CLPB: variants seen among roughly 807,000 people sequenced by gnomAD.
CLPB encodes ClpB family mitochondrial disaggregase, also known as mitochondrial disaggregase.
A neutral mutation model predicts 78.4 loss-of-function variants in CLPB; 40 were observed. The observed-to-expected ratio is 0.51, with a 90% CI of 0.40 to 0.66. The LOEUF (loss-of-function observed/expected upper bound fraction) is 0.66, where lower values mean the gene tolerates loss of function less well. Among genes scored for constraint, CLPB ranks in the 30% least tolerant of loss-of-function variants. The pLI, the probability that CLPB is intolerant of heterozygous loss-of-function variation, is 0.00. For missense variants in CLPB, 780 were observed against 886.9 expected (o/e 0.88, Z 1.53); for synonymous variants, 333 against 348.0 (o/e 0.96, Z 0.48).
intron 3 of CLPB, among the ~76,000 whole-genome samples, chr11:72,386,975 T>G (rs555057778): frequency 2.0e-5 from 3 of 152,172 alleles, no homozygotes; most frequent in Non-Finnish European, 4.4e-5. Context: ...CAGATACAGA[T>G]AGGCAAACTA....
At chr11:72,415,036 T>C (rs1475582922) in intron 2 of CLPB, among the ~76,000 whole-genome samples, 1 of 151,946 alleles carries the variant, frequency 6.6e-6, no homozygotes, top group African/African-American at 2.4e-5. Context: ...ACCAACATGG[T>C]GAAACCCTAT....
chr11:72,345,470 A>G (rs1174748487), intron 5 of CLPB, among the ~76,000 whole-genome samples: 1 of 152,258 alleles, frequency 6.6e-6, no homozygotes, highest in Non-Finnish European at 1.5e-5. Context: ...ATAAGAGAAC[A>G]TACAAATATT....
At position 72,417,809 on chromosome 11, in the gene CLPB, G is replaced by A. The variant is rs191378898; in HGVS notation, c.455+12503C>T. On this transcript the variant is annotated intron_variant, in intron 2 of 15. Transcript: ENST00000538039. The stretch of plus-strand genomic sequence containing the variant: ...TGAGATCCTGTGTGACCCATCTAGG[G>A]GTTGTGACTGAGCCCCTGATGTGTC... Among the ~76,000 whole-genome samples, 18 of 152,164 alleles carry A rather than the reference G, an allele frequency of 1.2e-4. No individual in the cohort carries two copies. In the East Asian group the frequency reaches 3.1e-3, roughly 26 times the overall value.
At chr11:72,356,629 G>A (rs1025801201) in intron 5 of CLPB, among the ~76,000 whole-genome samples, 2 of 152,240 alleles carry the variant, frequency 1.3e-5, no homozygotes, top group African/African-American at 4.8e-5. Flanking sequence ...AAAAAGGCAG[G>A]TGGGAGAAAT....
rs1003018038 is a variant in CLPB at position 72,286,631 on chromosome 11, A to G, written c.*6736T>C. The G allele has an allele frequency of 1.3e-5, 2 of 152,022 alleles. No homozygotes were observed. The highest frequency in any genetic ancestry group is 4.8e-5 in the African/African-American group (2 of 41,394). 9.4% of individuals were successfully genotyped at this position (152,022 alleles called of 1,614,324 possible). ...GCTGGAATTACCGGCATGTGCCACT[A>G]TGTCCGGCTAATTTTTGTACTTTAA... On this transcript the variant is annotated 3_prime_UTR_variant, in exon 16 of 16. Coordinates refer to ENST00000538039, the MANE Select transcript of CLPB (RefSeq NM_001258392.3).
chr11:72,421,545 A>G (rs1483080739), intron 2 of CLPB, among the ~76,000 whole-genome samples: 1 of 152,200 alleles, frequency 6.6e-6, no homozygotes, highest in Non-Finnish European at 1.5e-5. Flanking sequence ...TGAGACAAGT[A>G]TCATCAAAGA....
rs370788893 is a variant in CLPB at position 72,324,533 on chromosome 11, C to T, written c.873+5174G>A. 1.7e-4 allele frequency among the ~76,000 whole-genome samples: 26 copies of T among 151,482 alleles called. No individual in the cohort carries two copies. The East Asian group carries it at 2.5e-3, about 15-fold the overall frequency. On this transcript the variant is annotated intron_variant, in intron 6 of 15. Transcript: ENST00000538039. ...GTGAGCTGAGACCGTGCCCTGCACT[C>T]GAGCCTGGGCGACACAGCAAGACTT...
At chr11:72,368,318 C>T (rs958107799) in intron 4 of CLPB, among the ~76,000 whole-genome samples, 7 of 152,156 alleles carry the variant, frequency 4.6e-5, no homozygotes, top group Admixed American at 6.5e-5. Flanking sequence ...AGGAACTTTA[C>T]GACTATTCTC....
At chr11:72,422,265 CAAAAAA>C (rs71469431) in intron 2 of CLPB, among the ~76,000 whole-genome samples, 1 of 24,976 alleles carries the variant, frequency 4.0e-5, no homozygotes, top group Non-Finnish European at 9.4e-5. Flanking sequence ...GACTCCGTCT[CAAAAAA>C]AAAAAAAAAA....
Position 72,315,059 on chromosome 11 carries a change from C to T in CLPB, c.988+2047G>A, listed in dbSNP as rs1023194130. ...GGAGCTGCCTGGTTCAGATAGGAGA[C>T]GTGGACACCCTGAGTTAGGGCAGTG... On this transcript the variant is annotated intron_variant, in intron 7 of 15. Transcript: ENST00000538039. Among the ~76,000 whole-genome samples, 8 of 151,946 alleles carry T rather than the reference C, an allele frequency of 5.3e-5. No homozygotes were observed. The East Asian group carries it at 9.7e-4, about 18-fold the overall frequency.
At chr11:72,343,938 GC>G (rs1402310882) in intron 5 of CLPB, among the ~76,000 whole-genome samples, 1 of 152,102 alleles carries the variant, frequency 6.6e-6, no homozygotes, top group African/African-American at 2.4e-5. Flanking sequence ...AATAATTATG[GC>G]CCCATTATGA....
At chr11:72,367,452 T>C (rs576907023) in intron 4 of CLPB, among the ~76,000 whole-genome samples, 60 of 152,144 alleles carry the variant, frequency 3.9e-4, no homozygotes, top group Non-Finnish European at 6.9e-4. Flanking sequence ...GCATGAGCTG[T>C]GTCCAGCCTG....
At position 72,404,913 on chromosome 11, in the gene CLPB, T is replaced by C. The variant is rs576664441; in HGVS notation, c.456-1861A>G. On this transcript the variant is annotated intron_variant, in intron 2 of 15. Coordinates refer to ENST00000538039, the MANE Select transcript of CLPB (RefSeq NM_001258392.3). ...TACACTTCTTTTATGCAGAAACAATTTTCTATGGCCAAGAATGTTAAAGAC... is the reference window on the plus strand; with the variant it reads ...TACACTTCTTTTATGCAGAAACAATCTTCTATGGCCAAGAATGTTAAAGAC... Among the ~76,000 whole-genome samples the C allele has an allele frequency of 3.3e-5, 5 of 152,292 alleles. No individual in the cohort carries two copies. In the South Asian group the frequency reaches 8.3e-4, roughly 25 times the overall value.
At chr11:72,388,531 G>T (rs929096178) in intron 3 of CLPB, among the ~76,000 whole-genome samples, 2 of 152,140 alleles carry the variant, frequency 1.3e-5, no homozygotes, top group East Asian at 3.9e-4. Flanking sequence ...GATTACAGGT[G>T]TGAACCACCA....
intron 2 of CLPB, among the ~76,000 whole-genome samples, 167 bp from the exon 3 acceptor site, chr11:72,403,219 G>C (rs550268850): frequency 6.6e-6 from 1 of 152,340 alleles, no homozygotes; most frequent in African/African-American, 2.4e-5. Context: ...GAGCCTGAAT[G>C]AGTCAGGAAA....
chr11:72,327,320 A>G (rs1482573105), intron 6 of CLPB, among the ~76,000 whole-genome samples: 1 of 152,188 alleles, frequency 6.6e-6, no homozygotes, highest in Non-Finnish European at 1.5e-5. Context: ...CTCTCATGGC[A>G]TAGTTCCTCC....
At chr11:72,416,735 C>CAAAAAAAA (rs35655496) in intron 2 of CLPB, among the ~76,000 whole-genome samples, 12 of 50,518 alleles carry the variant, frequency 2.4e-4, no homozygotes, top group East Asian at 4.3e-4. Context: ...GACTCCGTCT[C>CAAAAAAAA]AAAAAAAAAA....
At chr11:72,331,162 T>C (rs1354254398) in intron 5 of CLPB, among the ~76,000 whole-genome samples, 2 of 152,026 alleles carry the variant, frequency 1.3e-5, no homozygotes, top group African/African-American at 4.8e-5. Flanking sequence ...CTCAGCACTT[T>C]GGGAGGCCAA....
chr11:72,430,268 C>T (rs764634174), intron 2 of CLPB, 44 bp downstream of exon 2: 1 of 1,583,180 alleles, frequency 6.3e-7, no homozygotes, highest in Non-Finnish European at 8.6e-7. Flanking sequence ...TCGCCCTGCT[C>T]AGCCTCTCCT....
Sources: gnomAD v4.1 joint callset for allele counts (sites outside exome capture counted in the v4.1 genomes callset) on GRCh38, gnomAD v4.1.1 for gene constraint, MANE v1.5 for transcripts, NCBI Gene and HGNC (gene_info 2026-07-23, HGNC 2026-07-21) for gene names.